HDAC9: variants seen among roughly 807,000 people sequenced by gnomAD.
HDAC9 encodes the protein histone deacetylase 9, also known as MEF-2 interacting transcription repressor (MITR) protein.
Under a neutral mutation model 139.4 loss-of-function variants are expected in HDAC9, and 41 were observed. That is an observed-to-expected ratio of 0.29 (90% CI 0.23 to 0.38). HDAC9 has a LOEUF of 0.38. HDAC9 is among the 10% of genes least tolerant of loss of function. The pLI is 1.00. For missense variants in HDAC9, 1,147 were observed against 1,297.0 expected (o/e 0.88, Z 1.78); for synonymous variants, 517 against 476.2 (o/e 1.09, Z -1.12).
intron 1 of HDAC9, among the ~76,000 whole-genome samples, chr7:18,122,021 A>C (rs150395891): frequency 9.2e-5 from 14 of 152,314 alleles, no homozygotes; most frequent in Admixed American, 2.6e-4. Flanking sequence ...GTATTTCTTC[A>C]ACATGCCAGT....
At chr7:18,652,419 A>T (rs1362795565) in intron 11 of HDAC9, among the ~76,000 whole-genome samples, 2 of 152,154 alleles carry the variant, frequency 1.3e-5, no homozygotes, top group Non-Finnish European at 2.9e-5. Flanking sequence ...ACTGTAATTG[A>T]TTAAAACAGA....
intron 1 of HDAC9, among the ~76,000 whole-genome samples, chr7:18,340,716 G>C (rs1212371814): frequency 2.0e-5 from 3 of 149,542 alleles, no homozygotes; most frequent in Non-Finnish European, 3.0e-5. Flanking sequence ...TAAATCCCAT[G>C]CTGAATTTTT....
chr7:18,705,982 C>A (rs1162736556), intron 12 of HDAC9, among the ~76,000 whole-genome samples: 7 of 151,788 alleles, frequency 4.6e-5, no homozygotes, highest in Non-Finnish European at 1.0e-4. Context: ...GAAAGGAACC[C>A]TTTCATTGAT....
At chr7:18,488,488 A>G (rs1796133428) in intron 1 of HDAC9, among the ~76,000 whole-genome samples, 1 of 151,970 alleles carries the variant, frequency 6.6e-6, no homozygotes, top group Admixed American at 6.6e-5. Context: ...TTGTGTTATA[A>G]GTTTCTGTAG....
At chr7:18,906,398 G>T (rs1429050653) in intron 22 of HDAC9, among the ~76,000 whole-genome samples, 4 of 152,120 alleles carry the variant, frequency 2.6e-5, no homozygotes, top group Non-Finnish European at 5.9e-5. Flanking sequence ...ACCTGCCTCG[G>T]CCTCCCAAAG....
intron 25 of HDAC9, among the ~76,000 whole-genome samples, chr7:18,992,022 G>A (rs1316596125): frequency 6.6e-6 from 1 of 152,220 alleles, no homozygotes; most frequent in Non-Finnish European, 1.5e-5. Context: ...TTGCTAGCAT[G>A]GGTGGAGATG....
At chr7:18,881,311 T>C (rs1051952668) in intron 22 of HDAC9, among the ~76,000 whole-genome samples, 4 of 152,270 alleles carry the variant, frequency 2.6e-5, no homozygotes, top group African/African-American at 4.8e-5. Context: ...ATGAGACATA[T>C]AAACTTTTTT....
intron 14 of HDAC9, among the ~76,000 whole-genome samples, chr7:18,759,535 C>G (rs1789188854): frequency 6.6e-6 from 1 of 152,054 alleles, no homozygotes; most frequent in African/African-American, 2.4e-5. Context: ...TTAGGGCTCC[C>G]ACTGATTCTA....
chr7:18,879,100 C>T (rs2129252659), intron 22 of HDAC9, among the ~76,000 whole-genome samples: 1 of 152,190 alleles, frequency 6.6e-6, no homozygotes, highest in African/African-American at 2.4e-5. Flanking sequence ...TACAACTAAT[C>T]AGGGAGGTGA....
chr7:18,412,531 G>T, intron 1 of HDAC9, among the ~76,000 whole-genome samples: 1 of 152,102 alleles, frequency 6.6e-6, no homozygotes, highest in East Asian at 1.9e-4. Context: ...TAGTGCCATA[G>T]GAATCCTATG....
chr7:18,882,138 G>T (rs892193521), intron 22 of HDAC9, among the ~76,000 whole-genome samples: 4 of 152,054 alleles, frequency 2.6e-5, no homozygotes, highest in African/African-American at 9.7e-5. Context: ...TTTTTTTAAA[G>T]TAAGTCAGAT....
At chr7:18,088,209 A>C (rs977363346) in intron 1 of HDAC9, among the ~76,000 whole-genome samples, 1 of 152,100 alleles carries the variant, frequency 6.6e-6, no homozygotes, top group Non-Finnish European at 1.5e-5. Context: ...TGGGGTGTGT[A>C]TGTGTGTGTG....
chr7:18,555,459 A>T (rs1818509099), intron 2 of HDAC9, among the ~76,000 whole-genome samples: 1 of 152,156 alleles, frequency 6.6e-6, no homozygotes, highest in African/African-American at 2.4e-5. Context: ...TGTGAATATG[A>T]TCTGGCTTTT....
chr7:18,981,993 G>A (rs982727788), intron 25 of HDAC9, among the ~76,000 whole-genome samples: 7 of 152,092 alleles, frequency 4.6e-5, no homozygotes, highest in Non-Finnish European at 8.8e-5. Flanking sequence ...GGACTGGGGA[G>A]CAAATCACAG....
intron 2 of HDAC9, among the ~76,000 whole-genome samples, chr7:18,212,883 A>G (rs1251393336): frequency 6.6e-6 from 1 of 152,208 alleles, no homozygotes; most frequent in Non-Finnish European, 1.5e-5. Flanking sequence ...GAGTCCTAAA[A>G]ATACACTTCC....
chr7:18,590,685 A>G (rs1331557598), intron 4 of HDAC9, among the ~76,000 whole-genome samples, 199 bp downstream of exon 4: 1 of 152,194 alleles, frequency 6.6e-6, no homozygotes, highest in African/African-American at 2.4e-5. Context: ...GAGCGTCTCA[A>G]GAAGCAAACG....
chr7:18,679,925 T>G (rs1227873042), intron 12 of HDAC9, among the ~76,000 whole-genome samples: 5 of 151,978 alleles, frequency 3.3e-5, no homozygotes, highest in Admixed American at 3.3e-4. Context: ...TGCCTTGCAG[T>G]CTTCTAATTT....
chr7:18,614,390 G>T (rs1838020455), intron 6 of HDAC9, among the ~76,000 whole-genome samples: 1 of 152,070 alleles, frequency 6.6e-6, no homozygotes, highest in Non-Finnish European at 1.5e-5. Flanking sequence ...GTTCAGTTCT[G>T]TCTCTGTTGT....
chr7:18,859,196 A>G (rs1177837774), intron 21 of HDAC9, among the ~76,000 whole-genome samples: 1 of 152,182 alleles, frequency 6.6e-6, no homozygotes, highest in African/African-American at 2.4e-5. Context: ...GAAGGAATGT[A>G]TAAACTTCTT....
Sources: gnomAD v4.1 joint callset for allele counts (sites outside exome capture counted in the v4.1 genomes callset) on GRCh38, gnomAD v4.1.1 for gene constraint, MANE v1.5 for transcripts, NCBI Gene and HGNC (gene_info 2026-07-23, HGNC 2026-07-21) for gene names.